The following SMIM35 variants were observed in gnomAD, a reference collection of about 807,000 sequenced individuals.
SMIM35 encodes the protein TMPRSS4 antisense RNA 1 (non-protein coding).
intron 1 of SMIM35, chr11:118,025,649 T>C (rs1290459704): frequency 2.2e-6 from 1 of 446,276 alleles, no homozygotes; most frequent in East Asian, 7.0e-5. Context: ...ATTTGGTCTT[T>C]GCTTGTCAGA....
chr11:118,016,919 A>G (rs2135024811), intron 1 of SMIM35, among the ~76,000 whole-genome samples: 1 of 152,272 alleles, frequency 6.6e-6, no homozygotes, highest in Admixed American at 6.5e-5. Context: ...AGTATTTCAC[A>G]ATTCTCCCAT....
intron 1 of SMIM35, among the ~76,000 whole-genome samples, chr11:118,082,895 T>C (rs1945259120): frequency 6.6e-6 from 1 of 152,204 alleles, no homozygotes; most frequent in Non-Finnish European, 1.5e-5. Context: ...AGAGGTCTTC[T>C]CGGCGAGTGG....
intron 1 of SMIM35, among the ~76,000 whole-genome samples, chr11:118,048,132 G>A (rs1944133353): frequency 6.6e-6 from 1 of 152,012 alleles, no homozygotes; most frequent in Non-Finnish European, 1.5e-5. Flanking sequence ...TTTTTAAGAA[G>A]AGACTTAACT....
intron 1 of SMIM35, among the ~76,000 whole-genome samples, chr11:118,047,168 C>T (rs1591296671): frequency 6.6e-6 from 1 of 152,170 alleles, no homozygotes; most frequent in Non-Finnish European, 1.5e-5. Context: ...ACACTTTGTC[C>T]TTGTGTCAGT....
intron 1 of SMIM35, among the ~76,000 whole-genome samples, chr11:118,036,579 C>A (rs1485478073): frequency 2.6e-5 from 4 of 152,200 alleles, no homozygotes; most frequent in African/African-American, 9.6e-5. Context: ...ACACCCTAAG[C>A]TGGGGGTGCC....
chr11:118,037,531 A>G (rs1204968243), intron 1 of SMIM35, among the ~76,000 whole-genome samples: 1 of 152,130 alleles, frequency 6.6e-6, no homozygotes, highest in Non-Finnish European at 1.5e-5. Flanking sequence ...ATTTCTTCTC[A>G]GTGACGATTC....
chr11:118,007,874 C>CT (rs796585421), intron 4 of SMIM35, among the ~76,000 whole-genome samples: 2,065 of 144,918 alleles, frequency 0.014, 40 homozygotes, highest in African/African-American at 0.045. Flanking sequence ...TTCTTGCTTT[C>CT]TTTTTTTTTT....
In SMIM35 at chr11:118,017,903, G is replaced by A. The variant is rs528449992; in HGVS notation, c.8-2094C>T. Among the ~76,000 whole-genome samples the A allele has an allele frequency of 2.0e-5, 3 of 152,226 alleles. No homozygotes were observed. In the South Asian group the frequency reaches 6.2e-4, roughly 32 times the overall value. On this transcript the variant is annotated intron_variant, in intron 1 of 4. Transcript: ENST00000689828. Reference sequence around the variant, plus strand: ...TCTCATGAGAACTTACTAACTATCAGGAGAACAGCAAGAGGGTACCCACCC... The same window carrying A: ...TCTCATGAGAACTTACTAACTATCAAGAGAACAGCAAGAGGGTACCCACCC...
chr11:118,041,728 T>C (rs1944003303), intron 1 of SMIM35, among the ~76,000 whole-genome samples: 1 of 152,102 alleles, frequency 6.6e-6, no homozygotes. Flanking sequence ...AATGGCCTAA[T>C]CTTCCAGTTA....
intron 1 of SMIM35, among the ~76,000 whole-genome samples, chr11:118,027,322 C>T (rs754853741): frequency 1.5e-4 from 22 of 146,674 alleles, no homozygotes; most frequent in African/African-American, 4.1e-4. Context: ...CCACCGCGCC[C>T]GGCCCACTTT....
intron 4 of SMIM35, 103 bp from the exon 5 acceptor site, chr11:118,006,479 C>G (rs1286649342): frequency 3.3e-5 from 5 of 152,220 alleles, no homozygotes; most frequent in African/African-American, 1.2e-4. Flanking sequence ...CTGTAGGCTC[C>G]TGGGCAGCAA....
chr11:118,049,105 G>C (rs1253810531), intron 1 of SMIM35, among the ~76,000 whole-genome samples: 1 of 152,018 alleles, frequency 6.6e-6, no homozygotes, highest in East Asian at 1.9e-4. Context: ...GCAACGTCAG[G>C]GGTGGGCAGG....
intron 1 of SMIM35, among the ~76,000 whole-genome samples, chr11:118,071,012 A>C (rs918071148): frequency 6.6e-6 from 1 of 152,250 alleles, no homozygotes; most frequent in Admixed American, 6.5e-5. Flanking sequence ...CCCACGTTAT[A>C]GGGTGGCTGC....
In SMIM35 at chr11:118,075,195, G is replaced by A. The variant is rs143839278; in HGVS notation, c.7+11556C>T. 5.5e-3 allele frequency among the ~76,000 whole-genome samples: 835 copies of A among 152,244 alleles called. 9 individuals carry two copies. The highest frequency in any genetic ancestry group is 8.9e-3 in the Non-Finnish European group (607 of 68,008). On this transcript the variant is annotated intron_variant, in intron 1 of 4. Transcript: ENST00000689828. Reference sequence around the variant, plus strand: ...GGGAGGTGCCTGCCTGGACCATCACGGCCCTGACCCTGAGGTCACCTGAGA... The same window carrying A: ...GGGAGGTGCCTGCCTGGACCATCACAGCCCTGACCCTGAGGTCACCTGAGA...
chr11:118,066,922 A>C (rs1944482884), intron 1 of SMIM35, among the ~76,000 whole-genome samples: 1 of 152,024 alleles, frequency 6.6e-6, no homozygotes, highest in Non-Finnish European at 1.5e-5. Context: ...TTTACACTCA[A>C]GATAGAAAGA....
At chr11:118,077,132 G>A (rs1944719729) in intron 1 of SMIM35, 2 of 645,054 alleles carry the variant, frequency 3.1e-6, no homozygotes, top group South Asian at 2.1e-5. Context: ...AAGGATGCTG[G>A]GCGTGAGGGA....
chr11:118,013,973 G>T, intron 3 of SMIM35, 93 bp from the exon 4 acceptor site: 2 of 397,042 alleles, frequency 5.0e-6, no homozygotes, highest in South Asian at 2.7e-4. Context: ...CCAACTCACT[G>T]ACTTGTCTTC....
chr11:118,066,344 C>T (rs1944474345), intron 1 of SMIM35, among the ~76,000 whole-genome samples: 1 of 152,120 alleles, frequency 6.6e-6, no homozygotes, highest in Admixed American at 6.6e-5. Context: ...GATCTCATCT[C>T]TCACCTGGAC....
At chr11:118,060,504 G>C (rs142382569) in intron 1 of SMIM35, among the ~76,000 whole-genome samples, 244 of 152,348 alleles carry the variant, frequency 1.6e-3, no homozygotes, top group Middle Eastern at 6.8e-3. Context: ...CCGGCAGCGA[G>C]GGCAGGACAG....
Sources: gnomAD v4.1 joint callset for allele counts (sites outside exome capture counted in the v4.1 genomes callset) on GRCh38, gnomAD v4.1.1 for gene constraint, MANE v1.5 for transcripts, NCBI Gene and HGNC (gene_info 2026-07-23, HGNC 2026-07-21) for gene names.